FAT3: variants seen among roughly 807,000 people sequenced by gnomAD.
FAT3 encodes the protein FAT atypical cadherin 3.
Under a neutral mutation model 310.2 loss-of-function variants are expected in FAT3, and 95 were observed. The observed-to-expected ratio is 0.31, with a 90% CI of 0.26 to 0.36. The LOEUF is 0.36. Among genes scored for constraint, FAT3 ranks in the 10% least tolerant of loss-of-function variants. The probability of loss-of-function intolerance (pLI) is 1.00; values close to 1 mark genes in which losing one functional copy is unlikely to be tolerated. For synonymous variants in FAT3, 2,314 were observed against 2,192.9 expected (o/e 1.06, Z -1.54); for missense variants, 5,408 against 5,715.6 (o/e 0.95, Z 1.74).
At chr11:92,316,428 C>A (rs1486956890) in intron 1 of FAT3, among the ~76,000 whole-genome samples, 2 of 152,084 alleles carry the variant, frequency 1.3e-5, no homozygotes, top group Non-Finnish European at 2.9e-5. Flanking sequence ...AAAAACTAAT[C>A]TACGAGTCTG....
At chr11:92,851,175 A>G (rs181069021) in intron 19 of FAT3, among the ~76,000 whole-genome samples, 9 of 152,312 alleles carry the variant, frequency 5.9e-5, no homozygotes, top group African/African-American at 2.2e-4. Context: ...CATATTTCGT[A>G]TCACCTACTG....
intron 1 of FAT3, among the ~76,000 whole-genome samples, chr11:92,254,710 A>G (rs1016879162): frequency 5.9e-5 from 9 of 151,728 alleles, no homozygotes; most frequent in Admixed American, 2.6e-4. Flanking sequence ...TGTTATTATT[A>G]TTATTATTTT....
intron 7 of FAT3, among the ~76,000 whole-genome samples, chr11:92,787,438 A>G (rs1304863007): frequency 6.6e-6 from 1 of 151,804 alleles, no homozygotes; most frequent in Admixed American, 6.6e-5. Context: ...GTGGAAACAA[A>G]TGATGTTAGA....
chr11:92,857,277 G>T lies in FAT3; in HGVS notation c.11429G>T (p.Cys3810Phe). The change falls in exon 20 of 28, where the codon TGT (cysteine) becomes TTT (phenylalanine). Residue 3810 changes from cysteine to phenylalanine, a missense_variant. Transcript: ENST00000525166. ...AAGCCGTGTCCAGGGGACATGCAGT[G>T]TGTCAGTTATGAAGCCAGCAGGAGA... ...VEKPCPGDMQ[C>F]VSYEASRRPF... The T allele has an allele frequency of 6.2e-7, 1 of 1,613,972 alleles. No individual in the cohort carries two copies.
chr11:92,765,794 G>GA (rs1156813915), intron 6 of FAT3, among the ~76,000 whole-genome samples: 2 of 150,668 alleles, frequency 1.3e-5, no homozygotes, highest in African/African-American at 4.9e-5. Flanking sequence ...TTTTGAGGGG[G>GA]GGGTTGTTTT....
intron 4 of FAT3, 117 bp from the exon 5 acceptor site, chr11:92,761,739 C>A: frequency 1.1e-6 from 1 of 919,744 alleles, no homozygotes; most frequent in Non-Finnish European, 1.7e-6. Flanking sequence ...AAAATGAATA[C>A]TAAAAGAATT....
chr11:92,298,482 C>T (rs1203578984), intron 1 of FAT3, among the ~76,000 whole-genome samples: 3 of 151,908 alleles, frequency 2.0e-5, no homozygotes, highest in African/African-American at 4.8e-5. Context: ...TTCTAGTTTC[C>T]AAACTAATAT....
chr11:92,519,724 A>G (rs1483334790), intron 2 of FAT3, among the ~76,000 whole-genome samples: 1 of 152,130 alleles, frequency 6.6e-6, no homozygotes, highest in Non-Finnish European at 1.5e-5. Context: ...AACCTACGAT[A>G]ACTTCTTTAT....
chr11:92,352,159 G>C lies in FAT3; in HGVS notation c.47G>C (p.Cys16Ser). Residue 16 changes from cysteine to serine, a missense_variant, in exon 2 of 28, where the codon TGT (cysteine) becomes TCT (serine). Cys to Ser is a moderately radical substitution (Grantham distance 112). This residue lies in a region of FAT3 where 152 missense variants were observed against 188.3 expected (regional missense o/e 0.81). Coordinates refer to ENST00000525166, the MANE Select transcript of FAT3 (RefSeq NM_001367949.2). ...TGTGTGGGCACACGGCCTCCTGCTT[G>C]TTGCCTCATCCTCCTGCTTTTCAAG... ...GHCVGTRPPA[C>S]CLILLLFKLL... The C allele has an allele frequency of 7.3e-7, 1 of 1,369,364 alleles. No homozygotes were observed. The highest frequency in any genetic ancestry group is 1.1e-5 in the South Asian group (1 of 87,934). 84.8% of individuals were successfully genotyped at this position (1,369,364 alleles called of 1,614,324 possible). A position where few individuals can be genotyped will look rare whatever the true frequency, so the allele number is the denominator to read the frequency against.
At chr11:92,587,596 A>C (rs1939219792) in intron 3 of FAT3, among the ~76,000 whole-genome samples, 1 of 151,948 alleles carries the variant, frequency 6.6e-6, no homozygotes, top group Admixed American at 6.6e-5. Context: ...ACAAAATAAA[A>C]CCTTGAGTTT....
At chr11:92,344,435 T>C (rs1948355855) in intron 1 of FAT3, among the ~76,000 whole-genome samples, 1 of 152,150 alleles carries the variant, frequency 6.6e-6, no homozygotes, top group African/African-American at 2.4e-5. Context: ...CCAATCCTGG[T>C]ATTGCAGTAT....
chr11:92,840,633 T>C lies in FAT3; in HGVS notation c.10440T>C (p.Pro3480=). Reference sequence around the variant, plus strand: ...ACAGAGACTCCTTTCACAATGGGCCTCCCTTTTCATTCTCTATTTTGTCGG... The same window carrying C: ...ACAGAGACTCCTTTCACAATGGGCCCCCCTTTTCATTCTCTATTTTGTCGG... ...VTDRDSFHNG[P]PFSFSILSGN... Residue 3480 remains proline, a synonymous_variant, in exon 18 of 28, where the codon CCT becomes CCC. Coordinates refer to ENST00000525166, the MANE Select transcript of FAT3 (RefSeq NM_001367949.2). The C allele has an allele frequency of 6.2e-7, 1 of 1,612,832 alleles. No individual in the cohort carries two copies. Among genetic ancestry groups the C allele is most frequent in the Non-Finnish European group, 8.5e-7 (1 of 1,178,910 alleles).
In FAT3 at chr11:92,478,963, T is replaced by TTTCTTTCTTTCTTTC. The variant is rs761360516; in HGVS notation, c.3293-45669_3293-45668insCTTTCTTTCTTTCTT. 3.3e-4 allele frequency among the ~76,000 whole-genome samples: 44 copies of TTTCTTTCTTTCTTTC among 132,230 alleles called. No individual in the cohort carries two copies. The East Asian group carries it at 6.6e-3, about 20-fold the overall frequency. 86.7% of individuals were successfully genotyped at this position (132,230 alleles called of 152,430 possible). A position where few individuals can be genotyped will look rare whatever the true frequency, so the allele number is the denominator to read the frequency against. On this transcript the variant is annotated intron_variant, in intron 2 of 27. Coordinates refer to ENST00000525166, the MANE Select transcript of FAT3 (RefSeq NM_001367949.2). ...TTCTTTCTTTCTTTCTTTTCTTTTCTTTTCTTTTCTTTTCTTTTCTTTTCT... is the reference window on the plus strand; with the variant it reads ...TTCTTTCTTTCTTTCTTTTCTTTTCTTTCTTTCTTTCTTTCTTTCTTTTCTTTTCTTTTCTTTTCT...
At chr11:92,690,142 A>G (rs1322151987) in intron 3 of FAT3, among the ~76,000 whole-genome samples, 1 of 152,224 alleles carries the variant, frequency 6.6e-6, no homozygotes, top group Admixed American at 6.5e-5. Flanking sequence ...TATTTCTGGC[A>G]GAAAAATACT....
chr11:92,612,203 C>T (rs1328967311), intron 3 of FAT3, among the ~76,000 whole-genome samples: 1 of 152,158 alleles, frequency 6.6e-6, no homozygotes, highest in Non-Finnish European at 1.5e-5. Flanking sequence ...TTTTATACTA[C>T]ACATTTTGTC....
At chr11:92,691,116 A>C (rs940971118) in intron 3 of FAT3, among the ~76,000 whole-genome samples, 1 of 152,234 alleles carries the variant, frequency 6.6e-6, no homozygotes, top group Non-Finnish European at 1.5e-5. Context: ...AAAGCAGGGA[A>C]GGAAGAAGAC....
At position 92,414,040 on chromosome 11, in the gene FAT3, T is replaced by C. The variant is rs534406031; in HGVS notation, c.3292+58636T>C. Among the ~76,000 whole-genome samples, 3 of 152,320 alleles carry C rather than the reference T, an allele frequency of 2.0e-5. No homozygotes were observed. In the East Asian group the frequency reaches 5.8e-4, roughly 29 times the overall value. On this transcript the variant is annotated intron_variant, in intron 2 of 27. Coordinates refer to ENST00000525166, the MANE Select transcript of FAT3 (RefSeq NM_001367949.2). ...GTTTTGCATTTTGCGTGTGGAGGTC[T>C]GGCGGTGCTGCCTTATGCGCCCTTC...
intron 8 of FAT3, among the ~76,000 whole-genome samples, chr11:92,791,466 C>CT (rs1215513435): frequency 6.6e-6 from 1 of 152,204 alleles, no homozygotes; most frequent in Non-Finnish European, 1.5e-5. Context: ...GTGCTAGTGA[C>CT]TAACTCCATT....
Position 92,797,847 on chromosome 11 carries a change from A to C in FAT3, c.4834A>C (p.Asn1612His). ...TTTCTGTATTTTAGGGAACACTGGG[A>C]ACATGTTTAAGATCGAACCGGTCCT... The part of the protein sequence containing the change: ...IYTIEAGNTG[N>H]MFKIEPVLGI... The change falls in exon 10 of 28, where the codon AAC (asparagine) becomes CAC (histidine). Residue 1612 changes from asparagine (N) to histidine (H), a missense_variant. By Grantham distance (68) the Asn-to-His change is moderately conservative. Around this residue, in one of 5 missense-constraint regions of FAT3, gnomAD observed 4,588 missense variants for 4,809.8 expected, o/e 0.95. Transcript: ENST00000525166. 1.2e-6 allele frequency: 2 copies of C among 1,609,302 alleles called. No homozygotes were observed. Among genetic ancestry groups the C allele is most frequent in the Non-Finnish European group, 1.7e-6 (2 of 1,176,112 alleles).
Sources: allele counts gnomAD v4.1 joint callset (sites outside exome capture counted in the v4.1 genomes callset), GRCh38; gene constraint gnomAD v4.1.1; regional missense constraint gnomAD v4.1.1; transcripts MANE v1.5; gene names NCBI Gene and HGNC (gene_info 2026-07-23, HGNC 2026-07-21).